Variants in EWSR1 observed in about 807,000 individuals in gnomAD.
EWSR1 encodes the protein EWS RNA binding protein 1, also known as RNA-binding protein EWS.
In EWSR1, 14 loss-of-function variants were observed where a neutral mutation model predicts 92.1. The observed-to-expected ratio is 0.15, with a 90% confidence interval of 0.10 to 0.24. EWSR1 has a LOEUF of 0.24. Among genes scored for constraint, EWSR1 ranks in the 10% least tolerant of loss-of-function variants. The pLI is 1.00. For synonymous variants in EWSR1, 303 were observed against 292.9 expected (o/e 1.03, Z -0.35); for missense variants, 637 against 870.9 (o/e 0.73, Z 3.38).
chr22:29,284,450 C>G (rs74438268), intron 6 of EWSR1, among the ~76,000 whole-genome samples: 2,802 of 151,436 alleles, frequency 0.019, 258 homozygotes, highest in African/African-American at 0.065. Context: ...TCTCTCCATA[C>G]AGCCAGCTTG....
At chr22:29,296,145 T>G in intron 11 of EWSR1, 94 bp from the exon 12 acceptor site, 340 of 1,278,446 alleles carry the variant, frequency 2.7e-4, no homozygotes, top group Non-Finnish European at 3.4e-4. Context: ...TTACTACATG[T>G]GAGAAATTGG....
At position 29,272,394 on chromosome 22, in the gene EWSR1, C is replaced by G; in HGVS notation, c.65C>G (p.Thr22Ser). The part of the protein sequence containing the change: ...AAAQQGYSAY[T>S]AQPTQGYAQT... Reference sequence around the variant, plus strand: ...TTCTTTTGCAGCTACAGTGCTTACACCGCCCAGCCCACTCAAGGATATGCA... The same window carrying G: ...TTCTTTTGCAGCTACAGTGCTTACAGCGCCCAGCCCACTCAAGGATATGCA... Residue 22 changes from threonine to serine, a missense_variant, in exon 3 of 17, where the codon ACC becomes AGC. Thr to Ser is a moderately conservative substitution (Grantham distance 58). This residue lies in a region of EWSR1 where 144 missense variants were observed against 189.0 expected (regional missense o/e 0.76). Transcript: ENST00000397938. 1.2e-6 allele frequency: 2 copies of G among 1,613,318 alleles called. No individual in the cohort carries two copies. The highest frequency in any genetic ancestry group is 1.7e-6 in the Non-Finnish European group (2 of 1,179,990).
chr22:29,284,032 C>T (rs1036866939), intron 6 of EWSR1, among the ~76,000 whole-genome samples: 1 of 151,298 alleles, frequency 6.6e-6, no homozygotes, highest in Admixed American at 6.6e-5. Context: ...CGGGGTTTCT[C>T]CATGTTGGTC....
chr22:29,268,291 G>A lies in EWSR1; in HGVS notation c.-46G>A, dbSNP rs1234508986. 3.7e-6 allele frequency: 6 copies of A among 1,608,752 alleles called. No homozygotes were observed. In the Admixed American group the frequency reaches 1.0e-4, roughly 27 times the overall value. ...GCGCAGTGCGGCGCCTAGAGGGAAA[G>A]CGAGAGGGAGACGGACGTTGAGAGA... On this transcript the variant is annotated 5_prime_UTR_variant, in exon 1 of 17. Transcript: ENST00000397938.
At chr22:29,279,576 A>C (rs1287349078) in intron 5 of EWSR1, among the ~76,000 whole-genome samples, 3 of 152,252 alleles carry the variant, frequency 2.0e-5, no homozygotes, top group Non-Finnish European at 4.4e-5. Flanking sequence ...CAGTCACTTA[A>C]CTGGCTTGTG....
At chr22:29,298,624 G>A in intron 13 of EWSR1, 109 bp from the exon 14 acceptor site, 1 of 1,356,616 alleles carries the variant, frequency 7.4e-7, no homozygotes, top group Admixed American at 1.7e-5. Context: ...CAGGTGATGG[G>A]GAAATGACAG....
intron 5 of EWSR1, among the ~76,000 whole-genome samples, chr22:29,280,121 T>G (rs771711282): frequency 3.3e-5 from 5 of 152,124 alleles, no homozygotes; most frequent in African/African-American, 4.8e-5. Flanking sequence ...GTTGCTCTGT[T>G]GTCCAGGCTG....
chr22:29,296,990 C>A (rs1328943149), intron 12 of EWSR1, among the ~76,000 whole-genome samples: 1 of 152,196 alleles, frequency 6.6e-6, no homozygotes, highest in African/African-American at 2.4e-5. Context: ...TTTGAAGCTC[C>A]AGTGAGCTGA....
At position 29,292,618 on chromosome 22, in the gene EWSR1, C is replaced by T; in HGVS notation, c.1164+12C>T. 1.3e-6 allele frequency: 2 copies of T among 1,526,148 alleles called. No homozygotes were observed. Among genetic ancestry groups the T allele is most frequent in the Non-Finnish European group, 1.8e-6 (2 of 1,101,202 alleles). 94.5% of individuals were successfully genotyped at this position (1,526,148 alleles called of 1,614,324 possible). A position where few individuals can be genotyped will look rare whatever the true frequency, so the allele number is the denominator to read the frequency against. On this transcript the variant is annotated intron_variant, in intron 11 of 16. Coordinates refer to ENST00000397938, the MANE Select transcript of EWSR1 (RefSeq NM_005243.4). ...GTGGGGTTGTTAAGGTCAGTAAAAG[C>T]ATAACCAGGTCATCTGGCAGAACTT... is the stretch of plus-strand genomic sequence containing the variant.
At chr22:29,282,344 A>G (rs768612993) in intron 5 of EWSR1, 46 bp from the exon 6 acceptor site, 3 of 1,492,988 alleles carry the variant, frequency 2.0e-6, no homozygotes, top group East Asian at 5.1e-5. Flanking sequence ...GACCAACCAC[A>G]CAAAAAAAGT....
chr22:29,289,362 A>G (rs2060277585), intron 8 of EWSR1: 2 of 230,134 alleles, frequency 8.7e-6, no homozygotes, highest in Non-Finnish European at 1.7e-5. Flanking sequence ...AGAGTAATGT[A>G]TATAATTATG....
At chr22:29,268,434 G>T in intron 1 of EWSR1, 85 bp downstream of exon 1, 1 of 1,611,760 alleles carries the variant, frequency 6.2e-7, no homozygotes. Flanking sequence ...TGGCTGGGAA[G>T]ACTGAGTGGA....
chr22:29,293,004 C>T (rs534726053), intron 11 of EWSR1, among the ~76,000 whole-genome samples: 20 of 151,912 alleles, frequency 1.3e-4, no homozygotes, highest in Admixed American at 7.9e-4. Context: ...CCCACCTTGG[C>T]GCCTCCCAAA....
In EWSR1 at chr22:29,300,055, C is replaced by T. The variant is rs201944550; in HGVS notation, c.1932-67C>T. On this transcript the variant is annotated intron_variant, in intron 16 of 16. Transcript: ENST00000397938. The stretch of plus-strand genomic sequence containing the variant: ...ATTGGGAGGAGCCAGGAAGGGGCAC[C>T]TGGGGGCTCTGGAAGGGCTTCCTCA... 222 of 1,361,480 alleles carry T rather than the reference C, an allele frequency of 1.6e-4. 1 individual carries two copies. Among genetic ancestry groups the T allele is most frequent in the Non-Finnish European group, 2.4e-5 (24 of 990,702 alleles). 84.3% of individuals were successfully genotyped at this position (1,361,480 alleles called of 1,614,324 possible). A position where few individuals can be genotyped will look rare whatever the true frequency, so the allele number is the denominator to read the frequency against.
chr22:29,292,613 A>G lies in EWSR1; in HGVS notation c.1164+7A>G. Reference sequence around the variant, plus strand: ...GCAGTGTGGGGTTGTTAAGGTCAGTAAAAGCATAACCAGGTCATCTGGCAG... The same window carrying G: ...GCAGTGTGGGGTTGTTAAGGTCAGTGAAAGCATAACCAGGTCATCTGGCAG... On this transcript the variant is annotated splice_region_variant and intron_variant, in intron 11 of 16. Transcript: ENST00000397938. 6.4e-7 allele frequency: 1 copy of G among 1,567,280 alleles called. No individual in the cohort carries two copies. The highest frequency in any genetic ancestry group is 8.8e-7 in the Non-Finnish European group (1 of 1,138,020).
chr22:29,289,356 T>G lies in EWSR1; in HGVS notation c.974+570T>G, dbSNP rs2060276729. On this transcript the variant is annotated intron_variant, in intron 8 of 16. Transcript: ENST00000397938. ...AAAAATCCAATAGCATTTTGCAGAGTAATGTATATAATTATGGGCTCACTT... is the reference window on the plus strand; with the variant it reads ...AAAAATCCAATAGCATTTTGCAGAGGAATGTATATAATTATGGGCTCACTT... 3 of 229,808 alleles carry G rather than the reference T, an allele frequency of 1.3e-5. No individual in the cohort carries two copies. The Admixed American group carries it at 1.7e-4, about 13-fold the overall frequency. 14.2% of individuals were successfully genotyped at this position (229,808 alleles called of 1,614,324 possible).
At chr22:29,272,164 T>C in intron 1 of EWSR1, 52 bp from the exon 2 acceptor site, 1 of 1,545,012 alleles carries the variant, frequency 6.5e-7, no homozygotes, top group Non-Finnish European at 8.9e-7. Flanking sequence ...TTTTTTCTCT[T>C]CTCCTTGTTT....
At chr22:29,299,191 T>G (rs2061138264) in intron 14 of EWSR1, 43 bp from the exon 15 acceptor site, 5 of 1,613,868 alleles carry the variant, frequency 3.1e-6, no homozygotes, top group Non-Finnish European at 4.2e-6. Context: ...TTTATCTTCC[T>G]TAGTTCAATT....
intron 8 of EWSR1, chr22:29,289,691 A>G (rs2060303571): frequency 8.6e-6 from 2 of 232,546 alleles, no homozygotes; most frequent in Non-Finnish European, 1.7e-5. Flanking sequence ...GCCACTATTC[A>G]AGGAAAAATT....
Sources: gnomAD v4.1 joint callset for allele counts (sites outside exome capture counted in the v4.1 genomes callset) on GRCh38, gnomAD v4.1.1 for gene constraint, gnomAD v4.1.1 regional missense constraint, MANE v1.5 for transcripts, NCBI Gene and HGNC (gene_info 2026-07-23, HGNC 2026-07-21) for gene names.